Variants in TIAM1 observed in about 807,000 individuals in gnomAD.
TIAM1 encodes the protein TIAM Rac1 associated GEF 1.
Under a neutral mutation model 163.5 loss-of-function variants are expected in TIAM1, and 65 were observed. That is an observed-to-expected ratio of 0.40 (90% CI 0.33 to 0.49). The LOEUF (loss-of-function observed/expected upper bound fraction) is 0.49. Ranked by LOEUF, TIAM1 falls within the 20% of genes least tolerant of loss-of-function variation. The pLI, the probability that TIAM1 is intolerant of heterozygous loss-of-function variation, is 0.77. For synonymous variants in TIAM1, 833 were observed against 810.1 expected, an observed-to-expected ratio of 1.03 and a Z score of -0.48; for missense variants, 1,789 against 2,044.7, an observed-to-expected ratio of 0.87 and a Z score of 2.41.
intron 2 of TIAM1, among the ~76,000 whole-genome samples, chr21:31,421,208 G>GTGGC (rs904167332): frequency 5.4e-4 from 82 of 151,702 alleles, no homozygotes; most frequent in African/African-American, 1.9e-3. Flanking sequence ...CCAATGACTA[G>GTGGC]TGGCCTTTAA....
intron 1 of TIAM1, among the ~76,000 whole-genome samples, chr21:31,496,246 T>C (rs1045030642): frequency 4.6e-5 from 7 of 152,100 alleles, no homozygotes; most frequent in Non-Finnish European, 8.8e-5. Flanking sequence ...TCCCAACACA[T>C]TGGGAGGCTG....
At chr21:31,228,232 A>AGG in intron 6 of TIAM1, among the ~76,000 whole-genome samples, 1 of 107,620 alleles carries the variant, frequency 9.3e-6, no homozygotes, top group Non-Finnish European at 1.6e-5. Context: ...AAAAAAAAAA[A>AGG]AAAAAAAAAA....
chr21:31,240,183 G>C (rs1413014388), intron 6 of TIAM1, among the ~76,000 whole-genome samples: 1 of 152,146 alleles, frequency 6.6e-6, no homozygotes, highest in Non-Finnish European at 1.5e-5. Flanking sequence ...TCTCGAAAGT[G>C]TCCTGGTGAA....
intron 1 of TIAM1, among the ~76,000 whole-genome samples, chr21:31,485,593 G>A (rs536700888): frequency 6.6e-6 from 1 of 152,278 alleles, no homozygotes; most frequent in East Asian, 1.9e-4. Flanking sequence ...GACTCCAGCA[G>A]CCGCCATTGT....
intron 1 of TIAM1, among the ~76,000 whole-genome samples, chr21:31,477,474 ATTTTT>A (rs58353334): frequency 2.3e-5 from 3 of 132,176 alleles, no homozygotes; most frequent in South Asian, 2.4e-4. Context: ...AACTAAATGC[ATTTTT>A]TTTTTTTTTT....
intron 15 of TIAM1, among the ~76,000 whole-genome samples, chr21:31,177,880 A>C (rs764126207): frequency 2.6e-5 from 4 of 152,160 alleles, no homozygotes; most frequent in Non-Finnish European, 5.9e-5. Context: ...GCCAGCACTC[A>C]CGTGGACCCC....
At chr21:31,282,016 C>T (rs1323128845) in intron 2 of TIAM1, among the ~76,000 whole-genome samples, 2 of 152,152 alleles carry the variant, frequency 1.3e-5, no homozygotes, top group East Asian at 3.9e-4. Context: ...TCTAAGGATA[C>T]ACAATTTAAA....
intron 14 of TIAM1, among the ~76,000 whole-genome samples, chr21:31,184,308 G>C (rs1239605920): frequency 1.3e-5 from 2 of 152,190 alleles, no homozygotes; most frequent in Admixed American, 1.3e-4. Context: ...GTTTCACCAT[G>C]TTAGCCAGGC....
At chr21:31,509,707 G>A (rs891577182) in intron 1 of TIAM1, among the ~76,000 whole-genome samples, 8 of 152,294 alleles carry the variant, frequency 5.3e-5, no homozygotes, top group East Asian at 3.9e-4. Context: ...GTCAGACAGA[G>A]ATCATCTCTA....
intron 1 of TIAM1, among the ~76,000 whole-genome samples, chr21:31,470,788 C>T (rs1294583814): frequency 6.6e-6 from 1 of 152,158 alleles, no homozygotes; most frequent in African/African-American, 2.4e-5. Context: ...TAGAAACAGC[C>T]ACTGTCTCCC....
intron 1 of TIAM1, among the ~76,000 whole-genome samples, chr21:31,550,060 G>T (rs2048630644): frequency 6.6e-6 from 1 of 151,922 alleles, no homozygotes; most frequent in Admixed American, 6.6e-5. Context: ...GGAGGTGGAG[G>T]CTACAGTGAG....
At chr21:31,488,159 C>A (rs143833823) in intron 1 of TIAM1, among the ~76,000 whole-genome samples, 25 of 152,222 alleles carry the variant, frequency 1.6e-4, no homozygotes, top group Admixed American at 1.6e-3. Context: ...AAAGAGTAGT[C>A]GCTGAGAAGG....
At chr21:31,241,036 C>T (rs1399528341) in intron 6 of TIAM1, among the ~76,000 whole-genome samples, 1 of 152,154 alleles carries the variant, frequency 6.6e-6, no homozygotes, top group Non-Finnish European at 1.5e-5. Flanking sequence ...AAGGGGAGTT[C>T]CCCTGCACAT....
At chr21:31,298,767 T>TGA (rs1555923381) in intron 2 of TIAM1, among the ~76,000 whole-genome samples, 14 of 125,952 alleles carry the variant, frequency 1.1e-4, no homozygotes, top group Admixed American at 6.9e-4. Flanking sequence ...TGTGTGTGTG[T>TGA]GAGAAACAGA....
rs113125170 is a variant in TIAM1 at position 31,141,547 on chromosome 21, G to A, written c.3476-43C>T. The A allele has an allele frequency of 3.3e-5, 53 of 1,593,614 alleles. No individual in the cohort carries two copies. The South Asian group carries it at 3.9e-4, about 12-fold the overall frequency. ...CAGGTCATGGGGGTGGAACGCCCACGTGACTCCCTTCCCACAATTTCCCTC... is the reference window on the plus strand; with the variant it reads ...CAGGTCATGGGGGTGGAACGCCCACATGACTCCCTTCCCACAATTTCCCTC... On this transcript the variant is annotated intron_variant, in intron 20 of 27. Transcript: ENST00000541036. The surrounding 1 kb of genome is among the most constrained non-coding windows in gnomAD (Gnocchi z 4.7).
At chr21:31,552,557 T>A (rs1171380195) in intron 1 of TIAM1, among the ~76,000 whole-genome samples, 1 of 152,080 alleles carries the variant, frequency 6.6e-6, no homozygotes, top group Non-Finnish European at 1.5e-5. Flanking sequence ...GCAGATCACC[T>A]GAGGTCAGGA....
Position 31,556,703 on chromosome 21 carries a change from T to C in TIAM1, c.-422+2224A>G, listed in dbSNP as rs185689719. On this transcript the variant is annotated intron_variant, in intron 1 of 28. Coordinates refer to the TIAM1 transcript ENST00000286827. ...GGAGGAAAAACAACTCAAAACACAT[T>C]CACAACATTTTGAAGATATTCAATG... 4.5e-3 allele frequency among the ~76,000 whole-genome samples: 687 copies of C among 152,312 alleles called. 5 individuals are homozygous for C. Among genetic ancestry groups the C allele is most frequent in the African/African-American group, 0.016 (652 of 41,550 alleles).
At chr21:31,234,736 T>C (rs1024595458) in intron 6 of TIAM1, among the ~76,000 whole-genome samples, 1 of 151,894 alleles carries the variant, frequency 6.6e-6, no homozygotes, top group African/African-American at 2.4e-5. Flanking sequence ...CAGCCATGAT[T>C]ATACCACTGC....
In TIAM1 at chr21:31,252,048, C is replaced by T. The variant is rs1339760720; in HGVS notation, c.1105G>A (p.Asp369Asn). 6.2e-7 allele frequency: 1 copy of T among 1,614,060 alleles called. No homozygotes were observed. The highest frequency in any genetic ancestry group is 1.7e-5 in the Admixed American group (1 of 60,022). ...PTTGRAFVGS[D>N]SGSSSTGDAA... ...TCCCCGGTGGAGCTGCTGCCGCTGT[C>T]GCTGCCCACAAAGGCCCGGCCTGTG... Residue 369 changes from aspartate (D) to asparagine (N), a missense_variant, in exon 5 of 28, where the codon GAC (aspartate) becomes AAC (asparagine). By Grantham distance (23) the Asp-to-Asn change is conservative (BLOSUM62 1). Coordinates refer to ENST00000541036, the MANE Select transcript of TIAM1 (RefSeq NM_001353694.2).
Sources: gnomAD v4.1 joint callset for allele counts (sites outside exome capture counted in the v4.1 genomes callset) on GRCh38, gnomAD v4.1.1 for gene constraint, Gnocchi (gnomAD v3.1) non-coding constraint, MANE v1.5 for transcripts, NCBI Gene and HGNC (gene_info 2026-07-23, HGNC 2026-07-21) for gene names.